Variants in CIAPIN1 observed in about 807,000 individuals in gnomAD.
CIAPIN1 encodes anamorsin.
In CIAPIN1, 18 loss-of-function variants were observed where a neutral mutation model predicts 34.3. The ratio of observed to expected loss-of-function variants is 0.52; its 90% CI spans 0.36 to 0.78. CIAPIN1 has a LOEUF of 0.78. Ranked by LOEUF, CIAPIN1 falls within the 30% of genes least tolerant of loss-of-function variation. CIAPIN1 has a pLI of 0.00. For missense variants in CIAPIN1, 310 were observed against 372.5 expected (o/e 0.83, Z 1.38); for synonymous variants, 131 against 140.4 (o/e 0.93, Z 0.47).
Position 57,439,340 on chromosome 16 carries a change from AAGAAG to A in CIAPIN1, c.158-11_158-7del, listed in dbSNP as rs1160691178. On this transcript the variant is annotated splice_region_variant and splice_polypyrimidine_tract_variant and intron_variant, in intron 2 of 8. Transcript: ENST00000394391. Reference sequence around the variant, plus strand: ...GCTGGATTCTTTGTGGGCAGCTGAAAAGAAGAGGACTCTAATTAGCAATCTCCTGA... The same window carrying A: ...GCTGGATTCTTTGTGGGCAGCTGAAAAGGACTCTAATTAGCAATCTCCTGA... 1 of 1,614,062 alleles carries A rather than the reference AAGAAG, an allele frequency of 6.2e-7. No individual in the cohort carries two copies. Among genetic ancestry groups the A allele is most frequent in the African/African-American group, 1.3e-5 (1 of 74,936 alleles).
chr16:57,445,444 G>A (rs1278129822), intron 1 of CIAPIN1, among the ~76,000 whole-genome samples: 2 of 152,192 alleles, frequency 1.3e-5, no homozygotes, highest in African/African-American at 2.4e-5. Context: ...GGAGGCGGAC[G>A]TTGTAGTGGA....
At position 57,445,359 on chromosome 16, in the gene CIAPIN1, T is replaced by G. The variant is rs1457498394; in HGVS notation, c.-56+1983A>C. On this transcript the variant is annotated intron_variant, in intron 1 of 8. Transcript: ENST00000394391. Reference sequence around the variant, plus strand: ...CCGTCTCTACTAAAAATACAAAGATTAGCTGGGCATGGTGGCGTGCACCTG... The same window carrying G: ...CCGTCTCTACTAAAAATACAAAGATGAGCTGGGCATGGTGGCGTGCACCTG... 3.3e-5 allele frequency among the ~76,000 whole-genome samples: 5 copies of G among 152,048 alleles called. No homozygotes were observed. The East Asian group carries it at 7.7e-4, about 24-fold the overall frequency.
At chr16:57,434,278 T>A in intron 4 of CIAPIN1, 66 bp from the exon 5 acceptor site, 1 of 1,479,742 alleles carries the variant, frequency 6.8e-7, no homozygotes, top group Non-Finnish European at 9.4e-7. Context: ...TATGTCTACC[T>A]ACACAGGAGT....
At chr16:57,429,333 C>T in intron 8 of CIAPIN1, 53 bp from the exon 9 acceptor site, 2 of 1,260,098 alleles carry the variant, frequency 1.6e-6, no homozygotes, top group Non-Finnish European at 2.3e-6. Flanking sequence ...GGCATACCAG[C>T]CAGAAGAAAG....
intron 1 of CIAPIN1, among the ~76,000 whole-genome samples, chr16:57,443,095 GAAA>G (rs1193693614): frequency 7.4e-6 from 1 of 135,482 alleles, no homozygotes; most frequent in East Asian, 2.2e-4. Flanking sequence ...AAAAAAAAAA[GAAA>G]AAAAAATAAT....
chr16:57,440,131 C>T (rs1171403358), intron 2 of CIAPIN1, among the ~76,000 whole-genome samples: 1 of 152,122 alleles, frequency 6.6e-6, no homozygotes, highest in African/African-American at 2.4e-5. Flanking sequence ...GGATGTCTGT[C>T]TTATATGGTT....
intron 5 of CIAPIN1, chr16:57,433,668 C>T (rs1168061911): frequency 9.1e-6 from 2 of 219,226 alleles, no homozygotes; most frequent in Non-Finnish European, 9.2e-6. Flanking sequence ...GAAAAAAGCA[C>T]ATGAGAACAG....
At chr16:57,437,855 C>T (rs916536247) in intron 3 of CIAPIN1, among the ~76,000 whole-genome samples, 1 of 152,076 alleles carries the variant, frequency 6.6e-6, no homozygotes, top group Non-Finnish European at 1.5e-5. Flanking sequence ...TTGACAAATC[C>T]TTTTTGTTGT....
chr16:57,429,189 C>CTA lies in CIAPIN1; in HGVS notation c.918_919dup (p.Ser307IlefsTer64), dbSNP rs778272844. On this transcript the variant is annotated frameshift_variant, in exon 9 of 9. Coordinates refer to ENST00000394391, the MANE Select transcript of CIAPIN1 (RefSeq NM_020313.4). LOFTEE classifies it high-confidence loss of function. Reference sequence around the variant, plus strand: ...AACCTCCTAGGCATCATGAAGATTGCTATCACTCAGAAGCACCTTTTCCCC... The same window carrying CTA: ...AACCTCCTAGGCATCATGAAGATTGCTATATCACTCAGAAGCACCTTTTCCCC... 6.2e-7 allele frequency: 1 copy of CTA among 1,612,498 alleles called. No individual in the cohort carries two copies. Among genetic ancestry groups the CTA allele is most frequent in the Admixed American group, 1.7e-5 (1 of 60,020 alleles).
chr16:57,435,251 C>T (rs185569426), intron 4 of CIAPIN1, among the ~76,000 whole-genome samples: 97 of 152,306 alleles, frequency 6.4e-4, no homozygotes, highest in Non-Finnish European at 1.2e-3. Context: ...TCCTGCTTCA[C>T]CTTCTGCCAC....
In CIAPIN1 at chr16:57,429,143, G is replaced by A; in HGVS notation, c.*27C>T. On this transcript the variant is annotated 3_prime_UTR_variant, in exon 9 of 9. Transcript: ENST00000394391. ...TGAGGGACAGGAGTTGGCTGGAGGA[G>A]CAGATGGGTCCCATGTCAGGAACCT... 6.7e-7 allele frequency: 1 copy of A among 1,499,416 alleles called. No individual in the cohort carries two copies. Among genetic ancestry groups the A allele is most frequent in the Non-Finnish European group, 9.3e-7 (1 of 1,077,272 alleles). 92.9% of individuals were successfully genotyped at this position (1,499,416 alleles called of 1,614,324 possible). A position where few individuals can be genotyped will look rare whatever the true frequency, so the allele number is the denominator to read the frequency against.
intron 6 of CIAPIN1, 140 bp from the exon 7 acceptor site, chr16:57,431,406 A>G (rs1903084547): frequency 3.6e-6 from 2 of 561,740 alleles, no homozygotes; most frequent in Non-Finnish European, 6.4e-6. Context: ...GTTGATCATC[A>G]TGTTCAACCT....
chr16:57,440,815 A>G lies in CIAPIN1; in HGVS notation c.114T>C (p.Asn38=). ...TGTTTTCCACAGACACGCGGCCCTC[A>G]TTGCCGGTTAACGCTTGAAGCTTAT... ...LVDKLQALTG[N]EGRVSVENIK... Residue 38 remains asparagine (N), a synonymous_variant, in exon 2 of 9, where the codon AAT becomes AAC. Coordinates refer to ENST00000394391, the MANE Select transcript of CIAPIN1 (RefSeq NM_020313.4). 1.2e-6 allele frequency: 2 copies of G among 1,613,828 alleles called. No homozygotes were observed. Among genetic ancestry groups the G allele is most frequent in the Admixed American group, 1.7e-5 (1 of 59,992 alleles).
At chr16:57,437,116 G>A (rs1903220206) in intron 3 of CIAPIN1, among the ~76,000 whole-genome samples, 2 of 151,996 alleles carry the variant, frequency 1.3e-5, no homozygotes, top group East Asian at 1.9e-4. Flanking sequence ...AACAGAGTGA[G>A]ACTTGATCTC....
intron 2 of CIAPIN1, among the ~76,000 whole-genome samples, chr16:57,439,581 C>A (rs1468202792): frequency 6.6e-6 from 1 of 152,214 alleles, no homozygotes; most frequent in Non-Finnish European, 1.5e-5. Context: ...GGACCCCAAA[C>A]GGAGGGACCG....
At position 57,439,280 on chromosome 16, in the gene CIAPIN1, C is replaced by T. The variant is rs545260017; in HGVS notation, c.212G>A (p.Ser71Asn). ...DIILSGLVPG[S>N]TTLHSAEILA... ...AATCTCAGCACTGTGCAGAGTGGTG[C>T]TTCCTGGGACTAAACCTGACAAAAT... The change falls in exon 3 of 9, where the codon AGC becomes AAC. Residue 71 changes from serine to asparagine, a missense_variant. Transcript: ENST00000394391. 1.4e-4 allele frequency: 228 copies of T among 1,614,136 alleles called. 2 individuals are homozygous for T. The South Asian group carries it at 2.3e-3, about 17-fold the overall frequency.
intron 1 of CIAPIN1, among the ~76,000 whole-genome samples, chr16:57,445,046 C>A (rs2029999552): frequency 6.6e-6 from 1 of 152,032 alleles, no homozygotes; most frequent in Non-Finnish European, 1.5e-5. Context: ...TTTTAGGTGC[C>A]CAGTAAGCAT....
At position 57,447,370 on chromosome 16, in the gene CIAPIN1, C is replaced by A; in HGVS notation, c.-84G>T. ...CCGCCTGGGCTCGCTCCCGGCTTCT[C>A]TCCAGCCGTCGACTCCACGCCTTGC... On this transcript the variant is annotated 5_prime_UTR_variant, in exon 1 of 9. Coordinates refer to ENST00000394391, the MANE Select transcript of CIAPIN1 (RefSeq NM_020313.4). 1 of 851,644 alleles carries A rather than the reference C, an allele frequency of 1.2e-6. No individual in the cohort carries two copies. Among genetic ancestry groups the A allele is most frequent in the Non-Finnish European group, 1.6e-6 (1 of 639,578 alleles). The allele number at this position is 851,644 out of a possible 1,614,324, so 52.8% of individuals were successfully genotyped here.
At chr16:57,445,410 G>A (rs1052343269) in intron 1 of CIAPIN1, among the ~76,000 whole-genome samples, 2 of 152,124 alleles carry the variant, frequency 1.3e-5, no homozygotes, top group African/African-American at 4.8e-5. Context: ...GGTAGACTGA[G>A]GTAGGCAGAA....
Sources: allele counts gnomAD v4.1 joint callset (sites outside exome capture counted in the v4.1 genomes callset), GRCh38; gene constraint gnomAD v4.1.1; transcripts MANE v1.5; gene names NCBI Gene and HGNC (gene_info 2026-07-23, HGNC 2026-07-21).